The following GPC6 variants were observed in gnomAD, a reference collection of about 807,000 sequenced individuals.
The protein encoded by GPC6 is glypican-6.
In GPC6, 14 loss-of-function variants were observed where a neutral mutation model predicts 55.2. That is an observed-to-expected ratio of 0.25 (90% CI 0.17 to 0.40). GPC6 has a LOEUF of 0.40. GPC6 is among the 10% of genes least tolerant of loss of function. The pLI is 1.00. For synonymous variants in GPC6, 278 were observed against 259.6 expected, an observed-to-expected ratio of 1.07 and a Z score of -0.68; for missense variants, 641 against 708.5, an observed-to-expected ratio of 0.90 and a Z score of 1.08.
chr13:93,553,141 C>T (rs1380014625), intron 2 of GPC6, among the ~76,000 whole-genome samples: 1 of 152,132 alleles, frequency 6.6e-6, no homozygotes, highest in African/African-American at 2.4e-5. Context: ...ACCACTCACT[C>T]TCTCTGGGAT....
chr13:93,338,691 A>G (rs1168433293), intron 1 of GPC6, among the ~76,000 whole-genome samples: 1 of 152,212 alleles, frequency 6.6e-6, no homozygotes, highest in Non-Finnish European at 1.5e-5. Flanking sequence ...ATCTTCCTTA[A>G]TCACCATCAT....
At chr13:93,466,735 A>G (rs1051667679) in intron 1 of GPC6, among the ~76,000 whole-genome samples, 12 of 152,204 alleles carry the variant, frequency 7.9e-5, no homozygotes, top group Non-Finnish European at 1.5e-4. Flanking sequence ...GGAAGAGTCA[A>G]TGAAAGATTA....
chr13:93,549,355 A>G (rs1874999441), intron 2 of GPC6, among the ~76,000 whole-genome samples: 1 of 152,150 alleles, frequency 6.6e-6, no homozygotes, highest in Non-Finnish European at 1.5e-5. Context: ...ATTTGTGTCT[A>G]AGTCCTCTTT....
chr13:93,755,823 G>A (rs7988063), intron 2 of GPC6, among the ~76,000 whole-genome samples: 145,819 of 152,218 alleles, frequency 0.96, 69,882 homozygotes, highest in African/African-American at 0.99. Flanking sequence ...CAGACATACA[G>A]TGTTCATCAT....
intron 1 of GPC6, among the ~76,000 whole-genome samples, chr13:93,267,975 C>T (rs1231741746): frequency 6.6e-6 from 1 of 152,124 alleles, no homozygotes; most frequent in East Asian, 1.9e-4. Flanking sequence ...AGACTGAATA[C>T]TGTTTTACTT....
chr13:93,270,720 C>CAAAAAAAAAA (rs35973627), intron 1 of GPC6, among the ~76,000 whole-genome samples: 1 of 127,994 alleles, frequency 7.8e-6, no homozygotes, highest in African/African-American at 2.8e-5. Flanking sequence ...TTATTTTCCT[C>CAAAAAAAAAA]AAAAAAAAAA....
At chr13:94,308,296 C>T (rs1876061121) in intron 6 of GPC6, among the ~76,000 whole-genome samples, 1 of 152,180 alleles carries the variant, frequency 6.6e-6, no homozygotes, top group African/African-American at 2.4e-5. Flanking sequence ...AGCATCAACA[C>T]TTCGAGAATT....
chr13:93,918,514 C>T (rs180681741), intron 3 of GPC6, among the ~76,000 whole-genome samples: 17 of 152,146 alleles, frequency 1.1e-4, no homozygotes, highest in African/African-American at 4.1e-4. Context: ...TAAAACGTGC[C>T]TCGACTTGTA....
intron 4 of GPC6, among the ~76,000 whole-genome samples, chr13:94,170,153 C>A (rs141891176): frequency 2.4e-4 from 36 of 152,300 alleles, no homozygotes; most frequent in African/African-American, 7.9e-4. Context: ...AAAACACAGA[C>A]AGGCACGTGA....
At chr13:94,085,346 G>GATA (rs1555294278) in intron 4 of GPC6, among the ~76,000 whole-genome samples, 1 of 137,308 alleles carries the variant, frequency 7.3e-6, no homozygotes. Flanking sequence ...AAAAAAAAAG[G>GATA]GAAGAAAAAG....
intron 3 of GPC6, among the ~76,000 whole-genome samples, chr13:93,910,216 C>A (rs1594580057): frequency 6.6e-6 from 1 of 152,056 alleles, no homozygotes; most frequent in East Asian, 1.9e-4. Flanking sequence ...TGGGTCTTTC[C>A]CATGCTGTTC....
rs1186649319 is a variant in GPC6 at position 93,952,844 on chromosome 13, ATATATATACG to A, written c.712-74876_712-74867del. Among the ~76,000 whole-genome samples the A allele has an allele frequency of 9.7e-5, 14 of 144,606 alleles. No homozygotes were observed. In the South Asian group the frequency reaches 1.3e-3, roughly 13 times the overall value. The allele number at this position is 144,606 out of a possible 152,430, so 94.9% of individuals were successfully genotyped here. A position where few individuals can be genotyped will look rare whatever the true frequency, so the allele number is the denominator to read the frequency against. The stretch of plus-strand genomic sequence containing the variant: ...ACATATATATACGTATATATCACAC[ATATATATACG>A]TATATATATGTATATATATACATAT... On this transcript the variant is annotated intron_variant, in intron 3 of 8. Transcript: ENST00000377047.
intron 2 of GPC6, among the ~76,000 whole-genome samples, chr13:93,714,791 C>G (rs566811663): frequency 1.3e-5 from 2 of 151,430 alleles, no homozygotes; most frequent in Non-Finnish European, 3.0e-5. Context: ...GGTCTTAGGT[C>G]GGCAGTGTTA....
intron 3 of GPC6, among the ~76,000 whole-genome samples, chr13:94,015,039 T>C (rs1213297232): frequency 6.6e-6 from 1 of 152,236 alleles, no homozygotes; most frequent in Non-Finnish European, 1.5e-5. Flanking sequence ...TCATTTCTCT[T>C]GAGCATGTAA....
At chr13:93,609,292 G>A (rs1878366137) in intron 2 of GPC6, among the ~76,000 whole-genome samples, 1 of 152,208 alleles carries the variant, frequency 6.6e-6, no homozygotes, top group Non-Finnish European at 1.5e-5. Flanking sequence ...TCAGCTCACT[G>A]CAACCTCCGC....
intron 8 of GPC6, among the ~76,000 whole-genome samples, chr13:94,398,875 C>CTATGGCTGAATTTGAGTTT (rs1224304778): frequency 6.6e-6 from 1 of 152,180 alleles, no homozygotes; most frequent in Non-Finnish European, 1.5e-5. Context: ...TTACATTCAG[C>CTATGGCTGAATTTGAGTTT]CATACCAAAG....
intron 4 of GPC6, among the ~76,000 whole-genome samples, chr13:94,206,244 A>C (rs1889898390): frequency 1.3e-5 from 2 of 152,204 alleles, no homozygotes; most frequent in Non-Finnish European, 2.9e-5. Flanking sequence ...GAAATAGATG[A>C]GAAGTGAATG....
At chr13:93,636,296 G>T (rs1879692263) in intron 2 of GPC6, among the ~76,000 whole-genome samples, 1 of 152,116 alleles carries the variant, frequency 6.6e-6, no homozygotes, top group African/African-American at 2.4e-5. Context: ...GCATTGTTGG[G>T]ATGAAATAAA....
At chr13:93,665,116 C>T (rs540073447) in intron 2 of GPC6, among the ~76,000 whole-genome samples, 2 of 152,244 alleles carry the variant, frequency 1.3e-5, no homozygotes, top group African/African-American at 4.8e-5. Context: ...GGAATTTATC[C>T]TAGGCATACA....
Sources: allele counts gnomAD v4.1 joint callset (sites outside exome capture counted in the v4.1 genomes callset), GRCh38; gene constraint gnomAD v4.1.1; transcripts MANE v1.5; gene names NCBI Gene and HGNC (gene_info 2026-07-23, HGNC 2026-07-21).